Variants in RARB observed in about 807,000 individuals in gnomAD.
RARB encodes retinoic acid receptor beta, also known as HBV-activated protein.
Under a neutral mutation model 51.9 loss-of-function variants are expected in RARB, and 17 were observed. That is an observed-to-expected ratio of 0.33 (90% confidence interval 0.22 to 0.49). RARB has a LOEUF of 0.49. Among genes scored for constraint, RARB ranks in the 20% least tolerant of loss-of-function variants. The pLI is 0.99. For missense variants in RARB, 369 were observed against 550.8 expected (o/e 0.67, Z 3.30); for synonymous variants, 215 against 195.4 (o/e 1.10, Z -0.84).
At chr3:25,278,441 T>A (rs1703444206) in intron 5 of RARB, among the ~76,000 whole-genome samples, 1 of 152,162 alleles carries the variant, frequency 6.6e-6, no homozygotes, top group Non-Finnish European at 1.5e-5. Context: ...GCCTTCCAAA[T>A]CCTTATAGAA....
chr3:25,021,776 G>C (rs1341170522), intron 2 of RARB, among the ~76,000 whole-genome samples: 1 of 152,040 alleles, frequency 6.6e-6, no homozygotes, highest in East Asian at 1.9e-4. Flanking sequence ...AACAGTGTTG[G>C]CCAGAAAGAC....
At chr3:25,346,893 A>G (rs926100573) in intron 5 of RARB, among the ~76,000 whole-genome samples, 2 of 152,238 alleles carry the variant, frequency 1.3e-5, no homozygotes, top group Non-Finnish European at 2.9e-5. Flanking sequence ...CTGGTGAGCA[A>G]AATTGATATT....
intron 3 of RARB, among the ~76,000 whole-genome samples, chr3:25,112,237 C>G (rs544764707): frequency 6.6e-6 from 1 of 152,218 alleles, no homozygotes; most frequent in Admixed American, 6.5e-5. Flanking sequence ...TCCTTTCAGT[C>G]CTCATATCAC....
Position 25,044,402 on chromosome 3 carries a change from G to T in RARB, c.-379-15723G>T, listed in dbSNP as rs115853241. On this transcript the variant is annotated intron_variant, in intron 2 of 11. Coordinates refer to the RARB transcript ENST00000383772. Reference sequence around the variant, plus strand: ...CCTAGCACTCTACCAAATGTATCCAGACCCTTCATTAATATGTGTTAAATT... The same window carrying T: ...CCTAGCACTCTACCAAATGTATCCATACCCTTCATTAATATGTGTTAAATT... Among the ~76,000 whole-genome samples, 675 of 152,210 alleles carry T rather than the reference G, an allele frequency of 4.4e-3. 4 individuals are homozygous for T. Among genetic ancestry groups the T allele is most frequent in the African/African-American group, 0.016 (646 of 41,512 alleles).
chr3:24,873,452 C>G (rs1252522911), intron 2 of RARB, among the ~76,000 whole-genome samples: 1 of 151,964 alleles, frequency 6.6e-6, no homozygotes, highest in African/African-American at 2.4e-5. Flanking sequence ...TTATCCTAAA[C>G]ATTAATATAT....
At chr3:24,993,202 A>G (rs1339789553) in intron 2 of RARB, among the ~76,000 whole-genome samples, 2 of 152,160 alleles carry the variant, frequency 1.3e-5, no homozygotes, top group African/African-American at 4.8e-5. Context: ...GAGATGCTAA[A>G]AATATTCTCA....
intron 3 of RARB, among the ~76,000 whole-genome samples, chr3:25,502,751 A>G (rs1033910684): frequency 2.6e-5 from 4 of 152,176 alleles, no homozygotes; most frequent in Admixed American, 2.0e-4. Flanking sequence ...GTGAACAAGG[A>G]AACAGGTAGC....
At chr3:25,207,936 G>C (rs1701594313) in intron 5 of RARB, among the ~76,000 whole-genome samples, 1 of 152,002 alleles carries the variant, frequency 6.6e-6, no homozygotes, top group South Asian at 2.1e-4. Flanking sequence ...GGGTTCTGAA[G>C]AGGCCTCAGG....
chr3:25,164,744 T>C (rs1160254373), intron 4 of RARB, among the ~76,000 whole-genome samples: 3 of 152,224 alleles, frequency 2.0e-5, no homozygotes, highest in African/African-American at 7.2e-5. Context: ...CATAAACTTA[T>C]TTTCAAATAG....
intron 5 of RARB, among the ~76,000 whole-genome samples, chr3:25,417,921 T>C (rs1707751301): frequency 6.6e-6 from 1 of 152,230 alleles, no homozygotes; most frequent in East Asian, 1.9e-4. Flanking sequence ...GTACTCCACA[T>C]GGACATTCAG....
chr3:25,596,603 C>A lies in RARB; in HGVS notation c.1334C>A (p.Pro445Gln). Residue 445 changes from proline to glutamine, a missense_variant, in exon 8 of 8, where the codon CCA becomes CAA. Physicochemically the swap from Pro to Gln is moderately conservative, Grantham distance 76 (BLOSUM62 -1). Coordinates refer to ENST00000330688, the MANE Select transcript of RARB (RefSeq NM_000965.5). ...SVENSGVSQS[P>Q]LVQ ...GAAAACAGTGGGGTCAGTCAGTCAC[C>A]ACTCGTGCAATAAGACATTTTCTAG... The A allele has an allele frequency of 6.3e-7, 1 of 1,598,654 alleles. No individual in the cohort carries two copies. Among genetic ancestry groups the A allele is most frequent in the Non-Finnish European group, 8.6e-7 (1 of 1,168,198 alleles).
At chr3:24,944,833 A>G (rs1203994779) in intron 2 of RARB, among the ~76,000 whole-genome samples, 1 of 152,222 alleles carries the variant, frequency 6.6e-6, no homozygotes, top group Non-Finnish European at 1.5e-5. Flanking sequence ...TGTTACTTCA[A>G]TGATAGAACA....
chr3:24,919,169 T>C (rs1695165999), intron 2 of RARB, among the ~76,000 whole-genome samples: 1 of 152,202 alleles, frequency 6.6e-6, no homozygotes, highest in Non-Finnish European at 1.5e-5. Flanking sequence ...TGTCAACTCC[T>C]ACTACTATGA....
intron 2 of RARB, among the ~76,000 whole-genome samples, chr3:24,915,778 A>G (rs904132838): frequency 5.9e-5 from 9 of 152,146 alleles, no homozygotes; most frequent in African/African-American, 2.2e-4. Context: ...GAATGCTAAT[A>G]TGTTGATCCT....
At chr3:24,955,599 T>C (rs535676798) in intron 2 of RARB, among the ~76,000 whole-genome samples, 33 of 152,198 alleles carry the variant, frequency 2.2e-4, no homozygotes, top group African/African-American at 7.7e-4. Context: ...AAAGGCAGAT[T>C]AATAGGAGAA....
chr3:24,864,703 C>T (rs1483850142), intron 2 of RARB, among the ~76,000 whole-genome samples: 1 of 133,986 alleles, frequency 7.5e-6, no homozygotes, highest in African/African-American at 3.0e-5. Flanking sequence ...AATATGGCCA[C>T]AGCTATTATT....
At chr3:25,374,647 A>G (rs1706402005) in intron 5 of RARB, among the ~76,000 whole-genome samples, 1 of 152,106 alleles carries the variant, frequency 6.6e-6, no homozygotes, top group Non-Finnish European at 1.5e-5. Flanking sequence ...GTCTCCAACC[A>G]GAAGCCAGAA....
chr3:25,028,044 G>A lies in RARB; in HGVS notation c.-379-32081G>A, dbSNP rs1438227825. Among the ~76,000 whole-genome samples, 3 of 152,030 alleles carry A rather than the reference G, an allele frequency of 2.0e-5. No homozygotes were observed. The East Asian group carries it at 5.8e-4, about 29-fold the overall frequency. On this transcript the variant is annotated intron_variant, in intron 2 of 11. Coordinates refer to the RARB transcript ENST00000383772. ...TCAGAACGATCTTGAAATGGTTCTA[G>A]TCAACACATTGTTATCGGAGACATA...
intron 2 of RARB, among the ~76,000 whole-genome samples, chr3:24,996,772 C>G (rs941400792): frequency 4.6e-5 from 7 of 151,882 alleles, no homozygotes; most frequent in African/African-American, 9.7e-5. Flanking sequence ...GAATGTTCCT[C>G]TTGTTGTTGA....
Sources: gnomAD v4.1 joint callset for allele counts (sites outside exome capture counted in the v4.1 genomes callset) on GRCh38, gnomAD v4.1.1 for gene constraint, MANE v1.5 for transcripts, NCBI Gene and HGNC (gene_info 2026-07-23, HGNC 2026-07-21) for gene names.